Variants in A1CF observed in about 807,000 individuals in gnomAD.
The protein encoded by A1CF is APOBEC-1 stimulating protein.
A1CF carries 48 observed loss-of-function variants against 68.9 expected under a neutral mutation model. The observed-to-expected ratio is 0.70, with a 90% CI of 0.55 to 0.89. The LOEUF is 0.89. Among genes scored for constraint, A1CF ranks in the 40% least tolerant of loss-of-function variants. The pLI is 0.00. For missense variants in A1CF, 653 were observed against 718.9 expected (o/e 0.91, Z 1.05); for synonymous variants, 272 against 260.4 (o/e 1.04, Z -0.43).
At chr10:50,816,365 A>G (rs2132338792) in intron 8 of A1CF, 86 bp from the exon 9 acceptor site, 8 of 1,388,300 alleles carry the variant, frequency 5.8e-6, no homozygotes, top group Middle Eastern at 4.0e-4. Context: ...GACTCCTTCT[A>G]AGTGTTAGAC....
intron 1 of A1CF, among the ~76,000 whole-genome samples, chr10:50,871,579 T>C (rs953434094): frequency 2.0e-5 from 3 of 151,992 alleles, no homozygotes; most frequent in African/African-American, 7.2e-5. Context: ...GGAACAGCCC[T>C]AATTAACAGT....
At chr10:50,846,067 T>C (rs897177042) in intron 3 of A1CF, among the ~76,000 whole-genome samples, 2 of 152,100 alleles carry the variant, frequency 1.3e-5, no homozygotes, top group South Asian at 2.1e-4. Flanking sequence ...TTACATAAAA[T>C]ATTTGGAAGA....
At chr10:50,834,919 G>A (rs1191513804) in intron 6 of A1CF, among the ~76,000 whole-genome samples, 1 of 152,180 alleles carries the variant, frequency 6.6e-6, no homozygotes, top group Non-Finnish European at 1.5e-5. Context: ...AGTTGTCGAT[G>A]TTGAAGAAGA....
chr10:50,820,415 G>A (rs1838591723), intron 8 of A1CF, 137 bp downstream of exon 8: 1 of 605,874 alleles, frequency 1.7e-6, no homozygotes, highest in Non-Finnish European at 2.8e-6. Flanking sequence ...TTTCTCTTTA[G>A]TACATCTTAA....
chr10:50,858,838 A>G (rs181513619), intron 3 of A1CF, among the ~76,000 whole-genome samples: 3 of 152,262 alleles, frequency 2.0e-5, no homozygotes, highest in Non-Finnish European at 2.9e-5. Flanking sequence ...AAACTTCAAA[A>G]AGTCAACTAT....
At chr10:50,867,625 C>A (rs1159314212) in intron 1 of A1CF, among the ~76,000 whole-genome samples, 1 of 152,262 alleles carries the variant, frequency 6.6e-6, no homozygotes, top group East Asian at 1.9e-4. Flanking sequence ...AAAGTCTTGA[C>A]CACTCTGCAA....
chr10:50,850,698 C>T, intron 3 of A1CF: 6 of 1,614,062 alleles, frequency 3.7e-6, no homozygotes, highest in Non-Finnish European at 5.1e-6. Flanking sequence ...TGATGGACTG[C>T]AAAGCATTAT....
chr10:50,829,122 G>T (rs1839113541), intron 6 of A1CF, among the ~76,000 whole-genome samples: 1 of 152,100 alleles, frequency 6.6e-6, no homozygotes, highest in African/African-American at 2.4e-5. Flanking sequence ...AACCCTGTGG[G>T]GAGGTGAATT....
chr10:50,805,374 C>G lies in A1CF; in HGVS notation c.*1355G>C, dbSNP rs1045790054. ...ATTATTTATGTTTGAACAAAGCAAT[C>G]ATTTACAAGTATGGCAAGAAAGTAG... On this transcript the variant is annotated 3_prime_UTR_variant, in exon 13 of 13. Transcript: ENST00000373997. The G allele has an allele frequency of 2.0e-5, 3 of 152,200 alleles. No homozygotes were observed. Among genetic ancestry groups the G allele is most frequent in the Non-Finnish European group, 4.4e-5 (3 of 68,048 alleles). 9.4% of individuals were successfully genotyped at this position (152,200 alleles called of 1,614,324 possible).
rs567169507 is a variant in A1CF, at chr10:50,845,155, C to A, written c.100-1033G>T. Among the ~76,000 whole-genome samples the A allele has an allele frequency of 2.6e-5, 4 of 152,132 alleles. No homozygotes were observed. In the South Asian group the frequency reaches 8.3e-4, roughly 32 times the overall value. On this transcript the variant is annotated intron_variant, in intron 3 of 12. Coordinates refer to ENST00000373997, the MANE Select transcript of A1CF (RefSeq NM_014576.4). ...TCAAACAACTGAGTATTTTTAAAAT[C>A]TAATTGAATATTTAAATTTTTGCCT... is the stretch of plus-strand genomic sequence containing the variant.
At chr10:50,871,083 C>T (rs1564533407) in intron 1 of A1CF, among the ~76,000 whole-genome samples, 1 of 151,532 alleles carries the variant, frequency 6.6e-6, no homozygotes, top group South Asian at 2.1e-4. Context: ...ACAAAACATC[C>T]TTAAATTGAT....
intron 1 of A1CF, among the ~76,000 whole-genome samples, chr10:50,872,861 C>T (rs149543799): frequency 6.2e-4 from 93 of 150,872 alleles, no homozygotes; most frequent in African/African-American, 2.0e-3. Flanking sequence ...GCAAGTGTGG[C>T]GCCTTCATGG....
chr10:50,815,485 G>A (rs566998135), intron 9 of A1CF, among the ~76,000 whole-genome samples: 2 of 152,228 alleles, frequency 1.3e-5, no homozygotes, highest in African/African-American at 4.8e-5. Flanking sequence ...ATTTCCTGGA[G>A]GAGGTCAGAT....
At chr10:50,839,169 T>C (rs1372510581) in intron 5 of A1CF, among the ~76,000 whole-genome samples, 1 of 152,228 alleles carries the variant, frequency 6.6e-6, no homozygotes, top group Non-Finnish European at 1.5e-5. Context: ...AGTGGATTGA[T>C]TTTATTCATT....
Position 50,859,953 on chromosome 10 carries a change from T to C in A1CF, c.-13A>G, listed in dbSNP as rs532169285. 26 of 1,611,016 alleles carry C rather than the reference T, an allele frequency of 1.6e-5. 1 individual carries two copies. The highest frequency in any genetic ancestry group is 1.1e-4 in the South Asian group (10 of 90,784). On this transcript the variant is annotated 5_prime_UTR_variant, in exon 3 of 13. Coordinates refer to ENST00000373997, the MANE Select transcript of A1CF (RefSeq NM_014576.4). ...GATTTGATTCCATTGAGAGTGATTA[T>C]CAGCAAAAAATCAGGTTAATTAGGG...
Sources: allele counts gnomAD v4.1 joint callset (sites outside exome capture counted in the v4.1 genomes callset), GRCh38; gene constraint gnomAD v4.1.1; transcripts MANE v1.5; gene names NCBI Gene and HGNC (gene_info 2026-07-23, HGNC 2026-07-21).